BICRA: variants seen among roughly 807,000 people sequenced by gnomAD.
The protein encoded by BICRA is BRD4-interacting chromatin-remodeling complex-associated protein.
BICRA carries 31 observed loss-of-function variants against 96.9 expected under a neutral mutation model. The ratio of observed to expected loss-of-function variants is 0.32; its 90% CI spans 0.24 to 0.43. The LOEUF (loss-of-function observed/expected upper bound fraction) is 0.43. Ranked by LOEUF, BICRA falls within the 20% of genes least tolerant of loss-of-function variation. The pLI, the probability that BICRA is intolerant of heterozygous loss-of-function variation, is 1.00. For missense variants in BICRA, 2,283 were observed against 2,190.3 expected (o/e 1.04, Z -0.84); for synonymous variants, 1,350 against 1,071.8 (o/e 1.26, Z -5.07).
chr19:47,670,669 A>G (rs1441770281), intron 2 of BICRA, 125 bp downstream of exon 2: 2 of 152,298 alleles, frequency 1.3e-5, no homozygotes, highest in African/African-American at 4.8e-5. Flanking sequence ...TGGCTAAGCA[A>G]TATCTCTGGT....
At position 47,702,867 on chromosome 19, in the gene BICRA, C is replaced by A; in HGVS notation, c.*452C>A. 5.4e-6 allele frequency: 1 copy of A among 184,992 alleles called. No individual in the cohort carries two copies. The highest frequency in any genetic ancestry group is 1.2e-4 in the South Asian group (1 of 8,386). The allele number at this position is 184,992 out of a possible 1,614,324, so 11.5% of individuals were successfully genotyped here. A position where few individuals can be genotyped will look rare whatever the true frequency, so the allele number is the denominator to read the frequency against. On this transcript the variant is annotated 3_prime_UTR_variant, in exon 15 of 15. Coordinates refer to ENST00000594866, the MANE Select transcript of BICRA (RefSeq NM_001394372.1). ...CAGTCTCAGCCTCTCCCCGCCGCCC[C>A]CAACAGGCTGTCAAACAAAACCGGA...
intron 7 of BICRA, among the ~76,000 whole-genome samples, chr19:47,693,146 A>G (rs1973265677): frequency 6.6e-6 from 1 of 152,260 alleles, no homozygotes; most frequent in South Asian, 2.1e-4. Flanking sequence ...GACAGCAAGT[A>G]TCACGGTGCC....
chr19:47,686,907 T>C (rs1973167671), intron 7 of BICRA, among the ~76,000 whole-genome samples: 1 of 152,198 alleles, frequency 6.6e-6, no homozygotes, highest in African/African-American at 2.4e-5. Context: ...ACGGTGTCCT[T>C]GCGTGCAGAA....
At chr19:47,668,120 C>T (rs1334182336) in intron 1 of BICRA, among the ~76,000 whole-genome samples, 1 of 152,168 alleles carries the variant, frequency 6.6e-6, no homozygotes, top group Non-Finnish European at 1.5e-5. Flanking sequence ...ATCCCAGCTA[C>T]TCCGGAGGCT....
At position 47,702,109 on chromosome 19, in the gene BICRA, C is replaced by T. The variant is rs1169543913; in HGVS notation, c.4377C>T (p.Thr1459=). The stretch of plus-strand genomic sequence containing the variant: ...CCGCAGCCAGCGCCGCCCAAGGCAC[C>T]GGGGACCCCGACTGGGAGGCGCCCG... ...PEPAASAAQG[T]GDPDWEAPGL... The change falls in exon 15 of 15, where the codon ACC becomes ACT. Residue 1459 remains threonine (T), a synonymous_variant. Transcript: ENST00000594866. 4 of 1,524,110 alleles carry T rather than the reference C, an allele frequency of 2.6e-6. No homozygotes were observed. The highest frequency in any genetic ancestry group is 4.1e-5 in the Admixed American group (2 of 48,858). 94.4% of individuals were successfully genotyped at this position (1,524,110 alleles called of 1,614,324 possible).
At chr19:47,631,314 G>A (rs529052414) in intron 1 of BICRA, among the ~76,000 whole-genome samples, 5 of 152,032 alleles carry the variant, frequency 3.3e-5, no homozygotes. Flanking sequence ...TGCAACCTCC[G>A]CCTCCTGGGT....
chr19:47,694,155 C>T lies in BICRA; in HGVS notation c.2324C>T (p.Ser775Leu), dbSNP rs984364811. Residue 775 changes from serine (S) to leucine (L), a missense_variant, in exon 8 of 15, where the codon TCG becomes TTG. Coordinates refer to ENST00000594866, the MANE Select transcript of BICRA (RefSeq NM_001394372.1). Reference sequence around the variant, plus strand: ...CCGCTGAAGGGCCCAGGCCCCTCTTCGTCCCCGTCACTACCTCACCAGGCC... The same window carrying T: ...CCGCTGAAGGGCCCAGGCCCCTCTTTGTCCCCGTCACTACCTCACCAGGCC... ...AAPLKGPGPS[S>L]SPSLPHQAPL... is the part of the protein sequence containing the mutation. 289 of 1,396,430 alleles carry T rather than the reference C, an allele frequency of 2.1e-4. No individual in the cohort carries two copies. The highest frequency in any genetic ancestry group is 2.6e-4 in the Non-Finnish European group (278 of 1,054,276). The allele number at this position is 1,396,430 out of a possible 1,614,324, so 86.5% of individuals were successfully genotyped here.
chr19:47,664,585 G>A (rs955397042), intron 1 of BICRA, among the ~76,000 whole-genome samples: 3 of 152,208 alleles, frequency 2.0e-5, no homozygotes, highest in Non-Finnish European at 4.4e-5. Context: ...GGGATGGGGA[G>A]GGATCGGTGG....
At chr19:47,665,983 C>T (rs1972773051) in intron 1 of BICRA, among the ~76,000 whole-genome samples, 1 of 152,198 alleles carries the variant, frequency 6.6e-6, no homozygotes, top group Admixed American at 6.5e-5. Flanking sequence ...GGGAGTCGCC[C>T]CATTAGATAG....
intron 1 of BICRA, among the ~76,000 whole-genome samples, chr19:47,670,225 T>C (rs376569694): frequency 2.1e-4 from 32 of 150,516 alleles, no homozygotes; most frequent in African/African-American, 7.8e-4. Flanking sequence ...AAGTGCTGAA[T>C]TTACAGGCGT....
Position 47,695,232 on chromosome 19 carries a change from G to C in BICRA, c.3077-133G>C. 5 of 762,918 alleles carry C rather than the reference G, an allele frequency of 6.6e-6. No homozygotes were observed. The South Asian group carries it at 8.6e-5, about 13-fold the overall frequency. 47.3% of individuals were successfully genotyped at this position (762,918 alleles called of 1,614,324 possible). A position where few individuals can be genotyped will look rare whatever the true frequency, so the allele number is the denominator to read the frequency against. ...GGACACAGGAAGGCCAGAGGTGGCA[G>C]GGCTGGCCCCAGATTTGAAGGGCCG... On this transcript the variant is annotated intron_variant, in intron 9 of 14. Coordinates refer to ENST00000594866, the MANE Select transcript of BICRA (RefSeq NM_001394372.1).
chr19:47,701,908 C>G lies in BICRA; in HGVS notation c.4176C>G (p.Arg1392=), dbSNP rs779025747. ...CPRLPLRKTY[R]ENVGGPGAPE... ...GCCTGCCACTGCGCAAGACCTACCGCGAGAACGTGGGGGGCCCTGGCGCGC... is the reference window on the plus strand; with the variant it reads ...GCCTGCCACTGCGCAAGACCTACCGGGAGAACGTGGGGGGCCCTGGCGCGC... Residue 1392 remains arginine (R), a synonymous_variant, in exon 15 of 15, where the codon CGC becomes CGG. Transcript: ENST00000594866. This position sits in a 1 kb window ranked among gnomAD's most constrained non-coding sequence, Gnocchi z 5.4. 41 of 1,441,730 alleles carry G rather than the reference C, an allele frequency of 2.8e-5. 1 individual carries two copies. The South Asian group carries it at 5.3e-4, about 19-fold the overall frequency. The allele number at this position is 1,441,730 out of a possible 1,614,324, so 89.3% of individuals were successfully genotyped here.
In BICRA at chr19:47,694,411, G is replaced by A. The variant is rs766381915; in HGVS notation, c.2580G>A (p.Pro860=). 39 of 930,876 alleles carry A rather than the reference G, an allele frequency of 4.2e-5. No individual in the cohort carries two copies. The Admixed American group carries it at 5.1e-4, about 12-fold the overall frequency. 57.7% of individuals were successfully genotyped at this position (930,876 alleles called of 1,614,324 possible). Reference sequence around the variant, plus strand: ...CTACTGCCCCAGGCCCGCCGCAGCCGCCTCTCCGCCCCCAGTCCCAGCCGC... The same window carrying A: ...CTACTGCCCCAGGCCCGCCGCAGCCACCTCTCCGCCCCCAGTCCCAGCCGC... ...PAPTAPGPPQ[P]PLRPQSQPPE... The change falls in exon 8 of 15, where the codon CCG becomes CCA. Residue 860 remains proline, a synonymous_variant. Coordinates refer to ENST00000594866, the MANE Select transcript of BICRA (RefSeq NM_001394372.1).
chr19:47,640,895 A>ATTT lies in BICRA; in HGVS notation c.-107-29528_-107-29526dup, dbSNP rs35232398. ...CTGGGTAGTCTGGAGTCAGAGTCAG[A>ATTT]TTTTTTTTTTTTTTTTTTTTTTGAG... On this transcript the variant is annotated intron_variant, in intron 1 of 14. Coordinates refer to ENST00000594866, the MANE Select transcript of BICRA (RefSeq NM_001394372.1). Among the ~76,000 whole-genome samples, 108 of 95,178 alleles carry ATTT rather than the reference A, an allele frequency of 1.1e-3. 1 individual carries two copies. Among genetic ancestry groups the ATTT allele is most frequent in the African/African-American group, 2.2e-3 (49 of 22,786 alleles). 62.4% of individuals were successfully genotyped at this position (95,178 alleles called of 152,430 possible).
At position 47,681,215 on chromosome 19, in the gene BICRA, C is replaced by T. The variant is rs370545329; in HGVS notation, c.2045C>T (p.Pro682Leu). ...SSPEKIVLGQ[P>L]PSATPTAILT... ...CCGGAGAAGATCGTCCTGGGGCAGC[C>T]GCCCTCTGCCACCCCCACGGCCATC... Residue 682 changes from proline to leucine, a missense_variant, in exon 6 of 15, where the codon CCG (proline) becomes CTG (leucine). Physicochemically the swap from Pro to Leu is moderately conservative, Grantham distance 98. Coordinates refer to ENST00000594866, the MANE Select transcript of BICRA (RefSeq NM_001394372.1). The T allele has an allele frequency of 1.7e-5, 26 of 1,534,534 alleles. No homozygotes were observed. The East Asian group carries it at 3.7e-4, about 22-fold the overall frequency.
At position 47,694,400 on chromosome 19, in the gene BICRA, C is replaced by A; in HGVS notation, c.2569C>A (p.Pro857Thr). 1 of 1,036,562 alleles carries A rather than the reference C, an allele frequency of 9.6e-7. No homozygotes were observed. The highest frequency in any genetic ancestry group is 2.0e-5 in the Admixed American group (1 of 50,904). 64.2% of individuals were successfully genotyped at this position (1,036,562 alleles called of 1,614,324 possible). A position where few individuals can be genotyped will look rare whatever the true frequency, so the allele number is the denominator to read the frequency against. ...CAACCCGGCCCCTACTGCCCCAGGC[C>A]CGCCGCAGCCGCCTCTCCGCCCCCA... ...ASNPAPTAPGPPQPPLRPQSQ... is the reference protein window; with the variant it reads ...ASNPAPTAPGTPQPPLRPQSQ... The change falls in exon 8 of 15, where the codon CCG (proline) becomes ACG (threonine). Residue 857 changes from proline (P) to threonine (T), a missense_variant. Transcript: ENST00000594866.
At chr19:47,619,882 A>G (rs370110425) in intron 1 of BICRA, among the ~76,000 whole-genome samples, 2 of 152,170 alleles carry the variant, frequency 1.3e-5, no homozygotes, top group African/African-American at 2.4e-5. Context: ...ATGCCTTTCC[A>G]TGAGTCCTAA....
Position 47,694,937 on chromosome 19 carries a change from G to A in BICRA, c.2933G>A (p.Gly978Glu). Residue 978 changes from glycine (G) to glutamate (E), a missense_variant, in exon 9 of 15, where the codon GGG becomes GAG. Physicochemically the swap from Gly to Glu is moderately conservative, Grantham distance 98. Transcript: ENST00000594866. ...SGIILQNKAG[G>E]APAAPQTSTS... is the part of the protein sequence containing the mutation. ...ATCATCCTCCAGAACAAGGCTGGGGGGGCCCCTGCCGCCCCGCAGACCTCC... is the reference window on the plus strand; with the variant it reads ...ATCATCCTCCAGAACAAGGCTGGGGAGGCCCCTGCCGCCCCGCAGACCTCC... 1 of 1,532,074 alleles carries A rather than the reference G, an allele frequency of 6.5e-7. No homozygotes were observed. Among genetic ancestry groups the A allele is most frequent in the Non-Finnish European group, 8.7e-7 (1 of 1,147,746 alleles). 94.9% of individuals were successfully genotyped at this position (1,532,074 alleles called of 1,614,324 possible). A position where few individuals can be genotyped will look rare whatever the true frequency, so the allele number is the denominator to read the frequency against.
chr19:47,702,099 C>T lies in BICRA; in HGVS notation c.4367C>T (p.Ala1456Val), dbSNP rs963884506. ...GPPPEPAASA[A>V]QGTGDPDWEA... is the part of the protein sequence containing the mutation. ...CCGCCAGAGCCCGCAGCCAGCGCCG[C>T]CCAAGGCACCGGGGACCCCGACTGG... The change falls in exon 15 of 15, where the codon GCC becomes GTC. Residue 1456 changes from alanine (A) to valine (V), a missense_variant. Transcript: ENST00000594866. The T allele has an allele frequency of 1.3e-6, 2 of 1,520,338 alleles. No homozygotes were observed. Among genetic ancestry groups the T allele is most frequent in the Non-Finnish European group, 8.8e-7 (1 of 1,141,822 alleles). 94.2% of individuals were successfully genotyped at this position (1,520,338 alleles called of 1,614,324 possible).
Sources: allele counts gnomAD v4.1 joint callset (sites outside exome capture counted in the v4.1 genomes callset), GRCh38; gene constraint gnomAD v4.1.1; non-coding constraint Gnocchi (gnomAD v3.1); transcripts MANE v1.5; gene names NCBI Gene and HGNC (gene_info 2026-07-23, HGNC 2026-07-21).